The following GRID2 variants were observed in gnomAD, a reference collection of about 807,000 sequenced individuals.
GRID2 encodes the protein glutamate receptor ionotropic, delta-2.
Under a neutral mutation model 114.8 loss-of-function variants are expected in GRID2, and 33 were observed. The ratio of observed to expected loss-of-function variants is 0.29; its 90% CI spans 0.22 to 0.38. The LOEUF is 0.38. GRID2 is among the 10% of genes least tolerant of loss of function. GRID2 has a pLI of 1.00. For missense variants in GRID2, 1,184 were observed against 1,257.7 expected (o/e 0.94, Z 0.89); for synonymous variants, 505 against 449.9 (o/e 1.12, Z -1.55).
At chr4:92,929,742 C>T (rs189584066) in intron 2 of GRID2, among the ~76,000 whole-genome samples, 2,224 of 148,164 alleles carry the variant, frequency 0.015, 25 homozygotes, top group Non-Finnish European at 0.024. Context: ...AAAATCTCTC[C>T]TTTGCCATAT....
chr4:92,899,118 A>G (rs1054408447), intron 2 of GRID2, among the ~76,000 whole-genome samples: 4 of 152,088 alleles, frequency 2.6e-5, no homozygotes, highest in Non-Finnish European at 5.9e-5. Flanking sequence ...AAAAGAATAA[A>G]ATTTTGAATT....
intron 2 of GRID2, among the ~76,000 whole-genome samples, chr4:92,903,404 C>T (rs1441832272): frequency 6.6e-6 from 1 of 151,934 alleles, no homozygotes; most frequent in Non-Finnish European, 1.5e-5. Flanking sequence ...CTTACTTCTC[C>T]TGTGCACATT....
At chr4:92,970,970 C>A (rs528160068) in intron 2 of GRID2, among the ~76,000 whole-genome samples, 2 of 151,030 alleles carry the variant, frequency 1.3e-5, no homozygotes, top group Non-Finnish European at 3.0e-5. Flanking sequence ...ATATATACAT[C>A]GTGCGTGTAT....
chr4:92,948,356 T>A (rs547821235), intron 2 of GRID2, among the ~76,000 whole-genome samples: 2 of 152,036 alleles, frequency 1.3e-5, no homozygotes, highest in South Asian at 4.1e-4. Context: ...ATCTATCCTG[T>A]CAAAGCAGAA....
chr4:92,650,047 C>T (rs1007962022), intron 2 of GRID2, among the ~76,000 whole-genome samples: 1 of 151,924 alleles, frequency 6.6e-6, no homozygotes, highest in African/African-American at 2.4e-5. Context: ...TAAGTTGAAC[C>T]ATCATAAGCT....
intron 14 of GRID2, among the ~76,000 whole-genome samples, chr4:93,657,450 C>A (rs970634764): frequency 1.3e-5 from 2 of 152,044 alleles, no homozygotes; most frequent in African/African-American, 4.8e-5. Context: ...TAAAATTTTT[C>A]TCTACTTTAA....
chr4:92,439,952 G>C (rs1345191094), intron 1 of GRID2, among the ~76,000 whole-genome samples: 1 of 145,806 alleles, frequency 6.9e-6, no homozygotes, highest in African/African-American at 2.4e-5. Flanking sequence ...AGTATGACTA[G>C]ACAGAAGATA....
At chr4:93,594,161 C>T (rs1738754700) in intron 13 of GRID2, among the ~76,000 whole-genome samples, 2 of 151,794 alleles carry the variant, frequency 1.3e-5, no homozygotes, top group Non-Finnish European at 2.9e-5. Flanking sequence ...TTTTTCTGTT[C>T]TGTCTTTTCC....
At chr4:93,099,402 A>C (rs957157374) in intron 3 of GRID2, among the ~76,000 whole-genome samples, 1 of 151,896 alleles carries the variant, frequency 6.6e-6, no homozygotes, top group Non-Finnish European at 1.5e-5. Flanking sequence ...TTTTTCTTAT[A>C]GTTTCAGGAT....
chr4:93,476,919 A>G (rs1015563374), intron 11 of GRID2, among the ~76,000 whole-genome samples: 1 of 152,158 alleles, frequency 6.6e-6, no homozygotes, highest in Non-Finnish European at 1.5e-5. Flanking sequence ...TTTTTGTTGC[A>G]TATAAAAATA....
At chr4:92,438,394 AT>A (rs1030464015) in intron 1 of GRID2, among the ~76,000 whole-genome samples, 18 of 139,218 alleles carry the variant, frequency 1.3e-4, no homozygotes, top group East Asian at 6.8e-4. Context: ...CTTATCGCAT[AT>A]TTTTTTTTGT....
chr4:92,992,090 T>G (rs2149204997), intron 2 of GRID2, among the ~76,000 whole-genome samples: 1 of 152,258 alleles, frequency 6.6e-6, no homozygotes, highest in Non-Finnish European at 1.5e-5. Context: ...TGTACAAAGT[T>G]GCATCAGGTA....
At chr4:92,573,950 T>C (rs555344552) in intron 1 of GRID2, among the ~76,000 whole-genome samples, 1 of 152,304 alleles carries the variant, frequency 6.6e-6, no homozygotes, top group Admixed American at 6.5e-5. Flanking sequence ...TAAGTCTCTT[T>C]AAAGGTCCCT....
At chr4:93,281,915 G>A (rs1752688608) in intron 8 of GRID2, among the ~76,000 whole-genome samples, 1 of 151,916 alleles carries the variant, frequency 6.6e-6, no homozygotes, top group Non-Finnish European at 1.5e-5. Context: ...ATGCTAAAAA[G>A]CAAGCAAACC....
chr4:93,733,315 A>T (rs1280928425), intron 14 of GRID2, among the ~76,000 whole-genome samples: 1 of 152,162 alleles, frequency 6.6e-6, no homozygotes, highest in Admixed American at 6.6e-5. Flanking sequence ...AGCCTGCCTC[A>T]CACAGGTTCA....
At chr4:93,613,552 T>A (rs1189294246) in intron 13 of GRID2, among the ~76,000 whole-genome samples, 1 of 79,742 alleles carries the variant, frequency 1.3e-5, no homozygotes, top group Admixed American at 1.2e-4. Flanking sequence ...CAGCTGCAGG[T>A]CTGTTGGAAT....
chr4:93,413,120 G>C (rs1767367929), intron 9 of GRID2, among the ~76,000 whole-genome samples: 2 of 152,138 alleles, frequency 1.3e-5, no homozygotes, highest in Admixed American at 6.5e-5. Context: ...CCAGTAATGA[G>C]ATTGCTGGGT....
At chr4:93,021,143 G>T (rs1282936472) in intron 2 of GRID2, among the ~76,000 whole-genome samples, 1 of 151,610 alleles carries the variant, frequency 6.6e-6, no homozygotes, top group Non-Finnish European at 1.5e-5. Context: ...TATTTTTCCA[G>T]GTTTATGGAA....
At chr4:93,798,373 G>A (rs1464118925) in intron 1 of GRID2, among the ~76,000 whole-genome samples, 1 of 151,932 alleles carries the variant, frequency 6.6e-6, no homozygotes, top group Non-Finnish European at 1.5e-5. Flanking sequence ...TTCAGCCTAG[G>A]ACAATAAGCA....
Sources: gnomAD v4.1 joint callset for allele counts (sites outside exome capture counted in the v4.1 genomes callset) on GRCh38, gnomAD v4.1.1 for gene constraint, MANE v1.5 for transcripts, NCBI Gene and HGNC (gene_info 2026-07-23, HGNC 2026-07-21) for gene names.